The following ROBO1 variants were observed in gnomAD, a reference collection of about 807,000 sequenced individuals.
ROBO1 encodes the protein roundabout guidance receptor 1.
A neutral mutation model predicts 195.9 loss-of-function variants in ROBO1; 149 were observed. That is an observed-to-expected ratio of 0.76 (90% CI 0.67 to 0.87). The LOEUF (loss-of-function observed/expected upper bound fraction) is 0.87. Among genes scored for constraint, ROBO1 ranks in the 40% least tolerant of loss-of-function variants. The pLI is 0.00. For missense variants in ROBO1, 1,933 were observed against 2,068.3 expected (o/e 0.93, Z 1.27); for synonymous variants, 816 against 733.2 (o/e 1.11, Z -1.82).
chr3:79,415,359 A>C (rs12630849), intron 2 of ROBO1, among the ~76,000 whole-genome samples: 10,088 of 152,182 alleles, frequency 0.066, 401 homozygotes, highest in East Asian at 0.14. Context: ...AGTTAAAGAG[A>C]AGATTTCCAG....
intron 4 of ROBO1, among the ~76,000 whole-genome samples, chr3:78,931,331 C>T (rs2039521023): frequency 6.6e-6 from 1 of 150,596 alleles, no homozygotes; most frequent in Non-Finnish European, 1.5e-5. Context: ...ACCTCCGCCT[C>T]CCAGGTTCAA....
chr3:79,072,906 A>C (rs2079112774), intron 3 of ROBO1, among the ~76,000 whole-genome samples: 1 of 152,000 alleles, frequency 6.6e-6, no homozygotes, highest in Non-Finnish European at 1.5e-5. Flanking sequence ...CTTGGGTATT[A>C]CTAGATTCAT....
intron 2 of ROBO1, among the ~76,000 whole-genome samples, chr3:79,456,476 T>C (rs1187852295): frequency 6.6e-6 from 1 of 152,080 alleles, no homozygotes; most frequent in Non-Finnish European, 1.5e-5. Context: ...TGACACGTGG[T>C]TGGATAGCTT....
At chr3:79,390,099 A>C (rs968981531) in intron 2 of ROBO1, among the ~76,000 whole-genome samples, 1 of 150,556 alleles carries the variant, frequency 6.6e-6, no homozygotes, top group Admixed American at 6.7e-5. Context: ...AATATCAATA[A>C]AAAATTCTAT....
At chr3:79,348,319 A>G (rs1013641008) in intron 2 of ROBO1, among the ~76,000 whole-genome samples, 6 of 152,054 alleles carry the variant, frequency 3.9e-5, no homozygotes, top group African/African-American at 7.2e-5. Context: ...AGACACACAT[A>G]GGTAACACAA....
intron 3 of ROBO1, chr3:79,018,314 G>T: frequency 6.8e-7 from 1 of 1,463,202 alleles, no homozygotes; most frequent in Non-Finnish European, 9.5e-7. Context: ...AGGAGGGAGG[G>T]GTAACCAAAA....
intron 4 of ROBO1, among the ~76,000 whole-genome samples, chr3:78,899,548 T>G (rs2037458758): frequency 6.6e-6 from 1 of 152,180 alleles, no homozygotes. Flanking sequence ...CTGGGAATGT[T>G]TGCTGTTCAA....
At chr3:78,950,168 C>A (rs1001532060) in intron 3 of ROBO1, among the ~76,000 whole-genome samples, 11 of 152,078 alleles carry the variant, frequency 7.2e-5, no homozygotes, top group Admixed American at 2.6e-4. Flanking sequence ...TGGGTATATA[C>A]CCAAAGGATT....
intron 2 of ROBO1, among the ~76,000 whole-genome samples, chr3:79,413,790 G>A (rs1031959227): frequency 2.6e-5 from 4 of 152,018 alleles, no homozygotes; most frequent in African/African-American, 9.7e-5. Context: ...AACTTAGTGG[G>A]AGAGACATGT....
intron 5 of ROBO1, among the ~76,000 whole-genome samples, chr3:78,718,439 G>A (rs570819514): frequency 1.3e-5 from 2 of 152,084 alleles, no homozygotes. Context: ...ACGTGATGTT[G>A]CTGCCACCCA....
intron 2 of ROBO1, among the ~76,000 whole-genome samples, chr3:79,375,362 G>C (rs2036343481): frequency 6.6e-6 from 1 of 152,106 alleles, no homozygotes; most frequent in African/African-American, 2.4e-5. Context: ...GCAGCCCAAG[G>C]GGACGGATGG....
chr3:78,827,734 C>G (rs928456521), intron 4 of ROBO1, among the ~76,000 whole-genome samples: 13 of 152,146 alleles, frequency 8.5e-5, no homozygotes, highest in Non-Finnish European at 1.0e-4. Flanking sequence ...AATGTGGCGG[C>G]TCATATCTGA....
chr3:78,737,323 T>G (rs2082415195), intron 5 of ROBO1, among the ~76,000 whole-genome samples: 1 of 152,172 alleles, frequency 6.6e-6, no homozygotes, highest in African/African-American at 2.4e-5. Context: ...TTGGAATTGT[T>G]ATGGCATGAG....
In ROBO1 at chr3:79,086,169, T is replaced by C. The variant is rs563528246; in HGVS notation, c.172+39287A>G. On this transcript the variant is annotated intron_variant, in intron 3 of 30. Transcript: ENST00000464233. ...TATCTAGGTACAGAGGACAATAATA[T>C]TGTATCCAAAGAAGTCCCTCAAAAG... Among the ~76,000 whole-genome samples, 5 of 151,954 alleles carry C rather than the reference T, an allele frequency of 3.3e-5. No individual in the cohort carries two copies. The East Asian group carries it at 7.8e-4, about 24-fold the overall frequency.
In ROBO1 at chr3:78,598,783, A is replaced by G. The variant is rs1444213631; in HGVS notation, c.*130T>C. 2 of 551,942 alleles carry G rather than the reference A, an allele frequency of 3.6e-6. No homozygotes were observed. The highest frequency in any genetic ancestry group is 6.5e-6 in the Non-Finnish European group (2 of 309,290). The allele number at this position is 551,942 out of a possible 1,614,324, so 34.2% of individuals were successfully genotyped here. A position where few individuals can be genotyped will look rare whatever the true frequency, so the allele number is the denominator to read the frequency against. ...AAGTTTTTAAAATGATATCCCAATAAGAGGAATAAAAACGACAATTTGTAC... is the reference window on the plus strand; with the variant it reads ...AAGTTTTTAAAATGATATCCCAATAGGAGGAATAAAAACGACAATTTGTAC... On this transcript the variant is annotated 3_prime_UTR_variant, in exon 31 of 31. Transcript: ENST00000464233.
At chr3:79,235,635 T>G (rs1576853233) in intron 2 of ROBO1, among the ~76,000 whole-genome samples, 1 of 152,298 alleles carries the variant, frequency 6.6e-6, no homozygotes, top group Non-Finnish European at 1.5e-5. Flanking sequence ...CTGTGGCCTC[T>G]ATTTCCTATA....
At chr3:78,823,629 C>T (rs1171116501) in intron 4 of ROBO1, among the ~76,000 whole-genome samples, 1 of 152,200 alleles carries the variant, frequency 6.6e-6, no homozygotes, top group African/African-American at 2.4e-5. Flanking sequence ...CCAGCCTCAG[C>T]TCACATCACT....
chr3:78,934,919 T>A (rs2039721580), intron 4 of ROBO1, among the ~76,000 whole-genome samples: 2 of 152,026 alleles, frequency 1.3e-5, no homozygotes, highest in African/African-American at 2.4e-5. Context: ...CGGACTAGAT[T>A]TTGGAAATAC....
intron 3 of ROBO1, among the ~76,000 whole-genome samples, chr3:79,083,232 C>T (rs2079308133): frequency 6.6e-6 from 1 of 151,772 alleles, no homozygotes; most frequent in Non-Finnish European, 1.5e-5. Flanking sequence ...GAAGAGTTAC[C>T]AGGAAAGAGT....
Sources: gnomAD v4.1 joint callset for allele counts (sites outside exome capture counted in the v4.1 genomes callset) on GRCh38, gnomAD v4.1.1 for gene constraint, MANE v1.5 for transcripts, NCBI Gene and HGNC (gene_info 2026-07-23, HGNC 2026-07-21) for gene names.